PGPEP1L: variants seen among roughly 807,000 people sequenced by gnomAD.
PGPEP1L encodes the protein pyroglutamyl-peptidase I like, also known as pyroglutamyl-peptidase 1-like protein.
PGPEP1L carries 7 observed loss-of-function variants against 6.0 expected under a neutral mutation model. The ratio of observed to expected loss-of-function variants is 1.17; its 90% CI spans 0.66 to 2.19. The LOEUF is 2.19. PGPEP1L is among the 30% of genes most tolerant of loss of function. The pLI is 0.00. For missense variants in PGPEP1L, 209 were observed against 192.5 expected (o/e 1.09, Z -0.51); for synonymous variants, 103 against 83.9 (o/e 1.23, Z -1.24).
chr15:98,996,519 G>A (rs527602943), intron 2 of PGPEP1L, among the ~76,000 whole-genome samples: 1 of 19,946 alleles, frequency 5.0e-5, no homozygotes, highest in Admixed American at 3.8e-4. Context: ...TGTGTATATA[G>A]GGGTATGTGT....
intron 1 of PGPEP1L, among the ~76,000 whole-genome samples, chr15:99,006,883 T>C (rs1329643339): frequency 2.0e-5 from 3 of 152,220 alleles, no homozygotes; most frequent in Non-Finnish European, 2.9e-5. Context: ...CATGATTCTC[T>C]GTCCCCATCT....
intron 2 of PGPEP1L, among the ~76,000 whole-genome samples, chr15:98,996,529 TGTGTGTG>T (rs2017890211): frequency 1.4e-3 from 1 of 722 alleles, no homozygotes; most frequent in African/African-American, 5.7e-3. Flanking sequence ...GGGGTATGTG[TGTGTGTG>T]TGTGTGTGTG....
At chr15:98,972,211 G>A (rs1043409972) in intron 2 of PGPEP1L, among the ~76,000 whole-genome samples, 1 of 152,060 alleles carries the variant, frequency 6.6e-6, no homozygotes, top group East Asian at 1.9e-4. Context: ...AAATTAGCCA[G>A]ATGTGGTGGC....
chr15:98,978,971 G>A (rs1460188943), intron 2 of PGPEP1L, among the ~76,000 whole-genome samples: 2 of 151,684 alleles, frequency 1.3e-5, no homozygotes, highest in African/African-American at 4.8e-5. Context: ...CTCGTGATCC[G>A]CCCACCTTGG....
At chr15:99,007,283 A>G (rs1458717643) in intron 1 of PGPEP1L, 76 bp downstream of exon 1, 4 of 152,220 alleles carry the variant, frequency 2.6e-5, no homozygotes, top group Non-Finnish European at 4.4e-5. Flanking sequence ...CCGGTTTCTC[A>G]ATATACCCCG....
chr15:98,974,110 G>A (rs1567235037), intron 2 of PGPEP1L, among the ~76,000 whole-genome samples: 1 of 152,182 alleles, frequency 6.6e-6, no homozygotes, highest in Non-Finnish European at 1.5e-5. Flanking sequence ...GCTGGGCACA[G>A]TGGCTCATGG....
chr15:99,003,235 AC>A (rs2018000817), intron 2 of PGPEP1L, among the ~76,000 whole-genome samples: 1 of 150,440 alleles, frequency 6.6e-6, no homozygotes, highest in Admixed American at 6.6e-5. Flanking sequence ...GAAGCCAGGT[AC>A]CTCCTGGGAT....
intron 2 of PGPEP1L, among the ~76,000 whole-genome samples, chr15:98,995,687 C>G (rs2017878045): frequency 6.6e-6 from 1 of 152,186 alleles, no homozygotes; most frequent in Non-Finnish European, 1.5e-5. Context: ...CAGAGCTAGA[C>G]TCTGTCTCTA....
intron 2 of PGPEP1L, among the ~76,000 whole-genome samples, chr15:99,003,871 T>C (rs2018009651): frequency 6.8e-6 from 1 of 147,514 alleles, no homozygotes; most frequent in African/African-American, 2.6e-5. Context: ...TAGAGTACAG[T>C]TTCCTTAGGA....
chr15:99,006,901 GGGA>G (rs1174469631), intron 1 of PGPEP1L, among the ~76,000 whole-genome samples: 5 of 152,292 alleles, frequency 3.3e-5, no homozygotes, highest in East Asian at 3.9e-4. Context: ...TCTAGGTCTG[GGGA>G]GGAGAAGCTC....
rs370163731 is a variant in PGPEP1L at position 98,968,615 on chromosome 15, G to A, written c.292C>T (p.Arg98Cys). 48 of 1,605,668 alleles carry A rather than the reference G, an allele frequency of 3.0e-5. No homozygotes were observed. The highest frequency in any genetic ancestry group is 4.1e-5 in the Non-Finnish European group (48 of 1,176,048). The change falls in exon 5 of 5, where the codon CGC becomes TGC. Residue 98 changes from arginine (R) to cysteine (C), a missense_variant. Physicochemically the swap from Arg to Cys is radical, Grantham distance 180. Coordinates refer to ENST00000535714, the MANE Select transcript of PGPEP1L (RefSeq NM_001167902.2). The stretch of plus-strand genomic sequence containing the variant: ...CCCAGCAGGCTGGCCGGGAGCCCGC[G>A]CGATAGTGGAGGGACATGGATGAGT... ...AALIHVPPLS[R>C]GLPASLLGRA...
At chr15:98,998,101 G>A (rs1555472657) in intron 2 of PGPEP1L, 2 of 152,690 alleles carry the variant, frequency 1.3e-5, no homozygotes, top group African/African-American at 4.8e-5. Flanking sequence ...TTGAGCTACA[G>A]GGTTTTTACC....
chr15:98,986,452 G>A (rs2017748365), intron 2 of PGPEP1L, among the ~76,000 whole-genome samples: 1 of 152,254 alleles, frequency 6.6e-6, no homozygotes, highest in Non-Finnish European at 1.5e-5. Context: ...TTCTTGATGA[G>A]TGTCTGGATG....
intron 2 of PGPEP1L, among the ~76,000 whole-genome samples, chr15:99,002,880 T>A (rs1828216): frequency 0.027 from 3,883 of 144,056 alleles, no homozygotes; most frequent in African/African-American, 0.045. Context: ...TCATATTCTT[T>A]GATGAGGAAA....
intron 2 of PGPEP1L, among the ~76,000 whole-genome samples, chr15:98,971,481 T>C (rs979293271): frequency 3.3e-5 from 5 of 151,812 alleles, no homozygotes; most frequent in African/African-American, 7.3e-5. Context: ...GTGACAGAGC[T>C]AGACTCTGTT....
At chr15:98,981,308 C>T (rs570323580) in intron 2 of PGPEP1L, among the ~76,000 whole-genome samples, 4 of 151,926 alleles carry the variant, frequency 2.6e-5, no homozygotes, top group African/African-American at 9.6e-5. Context: ...CTGGCTAACA[C>T]AGTGAAACCC....
chr15:98,997,145 T>C (rs2017899416), intron 2 of PGPEP1L, among the ~76,000 whole-genome samples: 1 of 152,182 alleles, frequency 6.6e-6, no homozygotes, highest in African/African-American at 2.4e-5. Context: ...AGGAACTGCC[T>C]GCAGACACAC....
intron 1 of PGPEP1L, among the ~76,000 whole-genome samples, chr15:99,006,822 T>TA (rs2018074335): frequency 6.6e-6 from 1 of 152,144 alleles, no homozygotes; most frequent in Non-Finnish European, 1.5e-5. Context: ...AACTTTTTTT[T>TA]AAACTGAAAA....
chr15:98,982,453 TC>T (rs1339260596), intron 2 of PGPEP1L, among the ~76,000 whole-genome samples: 1 of 152,188 alleles, frequency 6.6e-6, no homozygotes, highest in Non-Finnish European at 1.5e-5. Context: ...CTTGGTTACT[TC>T]TCTTCCCACT....
Sources: gnomAD v4.1 joint callset for allele counts (sites outside exome capture counted in the v4.1 genomes callset) on GRCh38, gnomAD v4.1.1 for gene constraint, MANE v1.5 for transcripts, NCBI Gene and HGNC (gene_info 2026-07-23, HGNC 2026-07-21) for gene names.